The following AP4S1 variants were observed in gnomAD, a reference collection of about 807,000 sequenced individuals.
The protein encoded by AP4S1 is adaptor related protein complex 4 subunit sigma 1.
In AP4S1, 23 loss-of-function variants were observed where a neutral mutation model predicts 19.8. The ratio of observed to expected loss-of-function variants is 1.16; its 90% CI spans 0.84 to 1.65. The LOEUF is 1.65. AP4S1 is among the 40% of genes most tolerant of loss of function. The probability of loss-of-function intolerance (pLI) is 0.00; values close to 1 mark genes in which losing one functional copy is unlikely to be tolerated. For synonymous variants in AP4S1, 46 were observed against 54.1 expected (o/e 0.85, Z 0.66); for missense variants, 166 against 172.8 (o/e 0.96, Z 0.22).
intron 1 of AP4S1, among the ~76,000 whole-genome samples, chr14:31,051,370 G>A (rs61976841): frequency 0.11 from 16,861 of 152,170 alleles, 1,259 homozygotes; most frequent in Non-Finnish European, 0.16. Context: ...ACAGCGTGCA[G>A]TTTAAAACTT....
At chr14:31,056,209 G>T (rs7146243) in intron 1 of AP4S1, among the ~76,000 whole-genome samples, 135,659 of 152,022 alleles carry the variant, frequency 0.89, 60,673 homozygotes, top group South Asian at 0.93. Context: ...ACGAGGTCTT[G>T]CTCTGTTGCC....
chr14:31,063,634 A>G (rs1886560380), intron 1 of AP4S1, among the ~76,000 whole-genome samples: 1 of 152,158 alleles, frequency 6.6e-6, no homozygotes, highest in Non-Finnish European at 1.5e-5. Context: ...ATGAAAAACG[A>G]GGAAGACTGA....
chr14:31,082,203 A>C (rs1030107144), intron 5 of AP4S1, among the ~76,000 whole-genome samples: 1 of 152,116 alleles, frequency 6.6e-6, no homozygotes, highest in African/African-American at 2.4e-5. Context: ...TGAGTGACCC[A>C]AATCTATGAT....
At chr14:31,034,961 T>C (rs1884639376) in intron 1 of AP4S1, among the ~76,000 whole-genome samples, 1 of 152,056 alleles carries the variant, frequency 6.6e-6, no homozygotes, top group East Asian at 1.9e-4. Context: ...ACTTCAGTTA[T>C]GGAAAAACAA....
chr14:31,026,116 G>A (rs1883894415), intron 1 of AP4S1: 9 of 1,510,398 alleles, frequency 6.0e-6, no homozygotes, highest in South Asian at 1.2e-5. Flanking sequence ...TTCCCCCCAG[G>A]TCCCTGCTGC....
chr14:31,078,004 G>T (rs903840604), intron 4 of AP4S1, among the ~76,000 whole-genome samples: 3 of 152,162 alleles, frequency 2.0e-5, no homozygotes, highest in Non-Finnish European at 2.9e-5. Context: ...AAAGTGCTGG[G>T]ATTACAGGCG....
chr14:31,066,179 A>G lies in AP4S1; in HGVS notation c.-18A>G. 6.2e-7 allele frequency: 1 copy of G among 1,613,166 alleles called. No homozygotes were observed. The highest frequency in any genetic ancestry group is 1.1e-5 in the South Asian group (1 of 91,042). The stretch of plus-strand genomic sequence containing the variant: ...ACTTTTGAACTGTATTTGGAAAAAT[A>G]CTGGCCAGGAAAGAAAAATGATAAA... On this transcript the variant is annotated 5_prime_UTR_variant, in exon 2 of 6. The change creates a new upstream start codon in the 5' untranslated region. Transcript: ENST00000542754.
At chr14:31,038,689 A>G (rs953545987) in intron 1 of AP4S1, among the ~76,000 whole-genome samples, 1 of 152,200 alleles carries the variant, frequency 6.6e-6, no homozygotes, top group Non-Finnish European at 1.5e-5. Context: ...TTGGCAAGTA[A>G]TTAAATTTTC....
chr14:31,075,950 G>A (rs2139082427), intron 4 of AP4S1, among the ~76,000 whole-genome samples: 1 of 152,142 alleles, frequency 6.6e-6, no homozygotes, highest in East Asian at 1.9e-4. Context: ...TGTTGAGGCT[G>A]GTCTCAAACT....
intron 1 of AP4S1, among the ~76,000 whole-genome samples, chr14:31,041,862 T>A (rs1885129701): frequency 6.6e-6 from 1 of 152,056 alleles, no homozygotes; most frequent in Admixed American, 6.5e-5. Context: ...TATTTTTTGA[T>A]ATGGGGGTCT....
chr14:31,029,374 T>TC (rs1306460660), intron 1 of AP4S1, among the ~76,000 whole-genome samples: 1 of 152,220 alleles, frequency 6.6e-6, no homozygotes, highest in Non-Finnish European at 1.5e-5. Flanking sequence ...TTGATCTAGA[T>TC]CCATCCTACA....
At chr14:31,051,195 G>A (rs1885770609) in intron 1 of AP4S1, among the ~76,000 whole-genome samples, 1 of 151,392 alleles carries the variant, frequency 6.6e-6, no homozygotes, top group Non-Finnish European at 1.5e-5. Flanking sequence ...AGTCAAGGCT[G>A]CAGTGAGCCA....
chr14:31,073,248 T>C, intron 4 of AP4S1: 1 of 367,324 alleles, frequency 2.7e-6, no homozygotes, highest in Non-Finnish European at 5.2e-6. Flanking sequence ...CCCAGCACTT[T>C]GGGAGGCTAA....
At chr14:31,026,670 G>A (rs1883991015) in intron 1 of AP4S1, 1 of 154,070 alleles carries the variant, frequency 6.5e-6, no homozygotes. Context: ...CCTGGGCTCC[G>A]ACTCTGACTT....
At chr14:31,043,391 A>G (rs949527836) in intron 1 of AP4S1, among the ~76,000 whole-genome samples, 1 of 152,144 alleles carries the variant, frequency 6.6e-6, no homozygotes. Context: ...GGATTTTGAG[A>G]GAGAGACTGA....
rs528887368 is a variant in AP4S1, at chr14:31,073,226, C to T, written c.294+253C>T. On this transcript the variant is annotated intron_variant, in intron 4 of 5. Coordinates refer to ENST00000542754, the MANE Select transcript of AP4S1 (RefSeq NM_001128126.3). ...CCTCTTATAGCAGGGCGCGATGGCTCACGCCTGTAATCCCAGCACTTTGGG... is the reference window on the plus strand; with the variant it reads ...CCTCTTATAGCAGGGCGCGATGGCTTACGCCTGTAATCCCAGCACTTTGGG... The T allele has an allele frequency of 2.1e-4, 84 of 400,548 alleles. 1 individual carries two copies. The highest frequency in any genetic ancestry group is 1.2e-3 in the South Asian group (54 of 44,756). The allele number at this position is 400,548 out of a possible 1,614,324, so 24.8% of individuals were successfully genotyped here.
chr14:31,031,056 A>T (rs535334414), intron 1 of AP4S1, among the ~76,000 whole-genome samples: 3 of 152,166 alleles, frequency 2.0e-5, no homozygotes, highest in Admixed American at 2.0e-4. Flanking sequence ...TGTTCTCGTG[A>T]TAGTGAGTTC....
chr14:31,073,393 G>A (rs1453940864), intron 4 of AP4S1, among the ~76,000 whole-genome samples: 3 of 135,318 alleles, frequency 2.2e-5, no homozygotes, highest in Non-Finnish European at 4.9e-5. Context: ...CGGAGGCTGA[G>A]GCAGGAGAAT....
intron 2 of AP4S1, among the ~76,000 whole-genome samples, chr14:31,067,068 G>A (rs1395673490): frequency 6.6e-6 from 1 of 152,020 alleles, no homozygotes; most frequent in Non-Finnish European, 1.5e-5. Context: ...AAAATTAGCT[G>A]GGCGTAATTG....
Sources: gnomAD v4.1 joint callset for allele counts (sites outside exome capture counted in the v4.1 genomes callset) on GRCh38, gnomAD v4.1.1 for gene constraint, MANE v1.5 for transcripts, NCBI Gene and HGNC (gene_info 2026-07-23, HGNC 2026-07-21) for gene names.